MFSD11: variants seen among roughly 807,000 people sequenced by gnomAD.
MFSD11 encodes major facilitator superfamily domain containing 11, also known as UNC93-like protein MFSD11.
MFSD11 carries 36 observed loss-of-function variants against 53.5 expected under a neutral mutation model. The ratio of observed to expected loss-of-function variants is 0.67; its 90% CI spans 0.52 to 0.89. The LOEUF is 0.89. Ranked by LOEUF, MFSD11 falls within the 40% of genes least tolerant of loss-of-function variation. MFSD11 has a pLI of 0.00. For missense variants in MFSD11, 530 were observed against 543.9 expected, an observed-to-expected ratio of 0.97 and a Z score of 0.25; for synonymous variants, 186 against 184.9, an observed-to-expected ratio of 1.01 and a Z score of -0.05.
At chr17:76,751,516 T>C (rs535630367) in intron 7 of MFSD11, among the ~76,000 whole-genome samples, 1 of 151,928 alleles carries the variant, frequency 6.6e-6, no homozygotes, top group Admixed American at 6.6e-5. Context: ...CCTTGTGGAA[T>C]ACTGTCTCTG....
intron 8 of MFSD11, among the ~76,000 whole-genome samples, chr17:76,760,277 C>CA (rs549267564): frequency 0.019 from 1,752 of 92,476 alleles, 23 homozygotes; most frequent in South Asian, 0.055. Flanking sequence ...AACTCTGTCT[C>CA]AAAAAAAAAA....
chr17:76,786,493 G>A, the MFSD11 span, among the ~76,000 whole-genome samples: 4 of 152,152 alleles, frequency 2.6e-5, no homozygotes, highest in African/African-American at 9.7e-5. Flanking sequence ...GACTCAGCAC[G>A]TGTTGAACTC....
the MFSD11 span, among the ~76,000 whole-genome samples, chr17:76,792,102 G>A: frequency 1.4e-5 from 2 of 143,536 alleles, no homozygotes; most frequent in Non-Finnish European, 3.0e-5. Context: ...TATATTGAGT[G>A]CTTACCTACA....
In MFSD11 at chr17:76,769,724, TG is replaced by T. The variant is rs756341787; in HGVS notation, c.749-21del. ...AAAATGTGAATATATAAATGACATC[TG>T]TTTTTTTTCTTTAACTAAAGGTCTG... On this transcript the variant is annotated intron_variant, in intron 9 of 12. Transcript: ENST00000685175. 8 of 1,558,650 alleles carry T rather than the reference TG, an allele frequency of 5.1e-6. No individual in the cohort carries two copies. The African/African-American group carries it at 8.3e-5, about 16-fold the overall frequency.
chr17:76,761,876 A>C (rs967228034), intron 8 of MFSD11, among the ~76,000 whole-genome samples: 28 of 150,714 alleles, frequency 1.9e-4, no homozygotes, highest in Non-Finnish European at 3.5e-4. Context: ...AGCCGAGATC[A>C]CGCCACTGCA....
At chr17:76,737,973 T>G, upstream of MFSD11, 2 of 264,052 alleles carry the variant, frequency 7.6e-6, no homozygotes, top group Non-Finnish European at 1.4e-5. Context: ...GCGGCTGCGG[T>G]CAGGTGACCC....
chr17:76,747,328 A>G (rs138920012), intron 7 of MFSD11, among the ~76,000 whole-genome samples: 2 of 150,530 alleles, frequency 1.3e-5, no homozygotes, highest in African/African-American at 4.9e-5. Flanking sequence ...AGACGGGGCA[A>G]CATGGTGAAA....
chr17:76,792,117 A>C, the MFSD11 span, among the ~76,000 whole-genome samples: 2 of 130,824 alleles, frequency 1.5e-5, no homozygotes, highest in Non-Finnish European at 3.1e-5. Context: ...CCTACATACC[A>C]GGCACCCTTT....
In MFSD11 at chr17:76,741,958, T is replaced by G; in HGVS notation, c.261-11T>G. 6.2e-7 allele frequency: 1 copy of G among 1,614,158 alleles called. No individual in the cohort carries two copies. Among genetic ancestry groups the G allele is most frequent in the East Asian group, 2.2e-5 (1 of 44,882 alleles). On this transcript the variant is annotated splice_polypyrimidine_tract_variant and intron_variant, in intron 3 of 12. Transcript: ENST00000685175. ...CGTTTGACTGTAATACCTTGACCTG[T>G]TATATTTTAGCATGTACATTGCCGT...
At chr17:76,765,327 AG>A (rs1264901642) in intron 8 of MFSD11, among the ~76,000 whole-genome samples, 3 of 152,082 alleles carry the variant, frequency 2.0e-5, no homozygotes, top group Admixed American at 6.6e-5. Context: ...CTAGATAGAT[AG>A]ATATATTCTT....
In MFSD11 at chr17:76,744,428, A is replaced by G; in HGVS notation, c.603A>G (p.Glu201=). ...CAGATTCTGAAAATGTCCTAGGAGA[A>G]GATGAGTCTTCTGATGACCAGGACA... The part of the protein sequence containing the change: ...RKPDSENVLG[E]DESSDDQDME... Residue 201 remains glutamate, a synonymous_variant, in exon 7 of 13, where the codon GAA becomes GAG. Coordinates refer to ENST00000685175, the MANE Select transcript of MFSD11 (RefSeq NM_001242532.5). 1.2e-6 allele frequency: 2 copies of G among 1,614,066 alleles called. No individual in the cohort carries two copies. The highest frequency in any genetic ancestry group is 1.7e-6 in the Non-Finnish European group (2 of 1,179,958).
intron 10 of MFSD11, among the ~76,000 whole-genome samples, chr17:76,770,592 C>T (rs555010388): frequency 6.6e-6 from 1 of 152,316 alleles, no homozygotes; most frequent in African/African-American, 2.4e-5. Context: ...GTCCTACAGA[C>T]AGACAGTCTG....
downstream of MFSD11, among the ~76,000 whole-genome samples, chr17:76,780,453 A>G (rs1366605299): frequency 6.6e-6 from 1 of 151,174 alleles, no homozygotes; most frequent in Non-Finnish European, 1.5e-5. Context: ...GATTACAAAC[A>G]AGAGCCACCG....
chr17:76,779,977 C>T (rs975146757), downstream of MFSD11, among the ~76,000 whole-genome samples: 3 of 152,174 alleles, frequency 2.0e-5, no homozygotes, highest in Non-Finnish European at 4.4e-5. Flanking sequence ...ATGTGTCCTC[C>T]TCGAGCAGTG....
chr17:76,754,111 T>A (rs769204092), intron 8 of MFSD11, 24 bp downstream of exon 8: 2 of 1,586,676 alleles, frequency 1.3e-6, no homozygotes, highest in African/African-American at 2.9e-5. Context: ...GTATCTGAAA[T>A]GCAAGAACTG....
At chr17:76,797,172 T>TAAAAAAG in the MFSD11 span, among the ~76,000 whole-genome samples, 2 of 151,446 alleles carry the variant, frequency 1.3e-5, no homozygotes, top group Non-Finnish European at 2.9e-5. Context: ...CTTCCTCAAT[T>TAAAAAAG]AAAAAAGAAA....
At chr17:76,790,403 G>A in the MFSD11 span, among the ~76,000 whole-genome samples, 26 of 146,214 alleles carry the variant, frequency 1.8e-4, 1 homozygote, top group African/African-American at 5.8e-4. Flanking sequence ...GGGCAGTGGC[G>A]TGATCACAAC....
At chr17:76,794,678 TC>T in the MFSD11 span, among the ~76,000 whole-genome samples, 5 of 46,868 alleles carry the variant, frequency 1.1e-4, no homozygotes, top group East Asian at 5.5e-4. Context: ...GAAGATGTAC[TC>T]TTTTTTTTTT....
chr17:76,767,406 G>A lies in MFSD11; in HGVS notation c.703G>A (p.Val235Ile), dbSNP rs1488992467. 6.2e-7 allele frequency: 1 copy of A among 1,601,318 alleles called. No homozygotes were observed. Among genetic ancestry groups the A allele is most frequent in the Admixed American group, 1.7e-5 (1 of 59,590 alleles). ...TACAGAAAAGTCTTTTAAGTTATGT[G>A]TCACCAAGGAGATGCTCCTTCTTAG... ...DAFKKSFKLC[V>I]TKEMLLLSIT... Residue 235 changes from valine to isoleucine, a missense_variant, in exon 9 of 13, where the codon GTC (valine) becomes ATC (isoleucine). Physicochemically the swap from Val to Ile is conservative, Grantham distance 29. Coordinates refer to ENST00000685175, the MANE Select transcript of MFSD11 (RefSeq NM_001242532.5).
Sources: gnomAD v4.1 joint callset for allele counts (sites outside exome capture counted in the v4.1 genomes callset) on GRCh38, gnomAD v4.1.1 for gene constraint, MANE v1.5 for transcripts, NCBI Gene and HGNC (gene_info 2026-07-23, HGNC 2026-07-21) for gene names.